The following EPB41L1 variants were observed in gnomAD, a reference collection of about 807,000 sequenced individuals.
The protein encoded by EPB41L1 is erythrocyte membrane protein band 4.1 like 1.
Under a neutral mutation model 97.8 loss-of-function variants are expected in EPB41L1, and 29 were observed. That is an observed-to-expected ratio of 0.30 (90% CI 0.22 to 0.40). EPB41L1 has a LOEUF of 0.40. EPB41L1 is among the 10% of genes least tolerant of loss of function. The pLI, the probability that EPB41L1 is intolerant of heterozygous loss-of-function variation, is 1.00. For synonymous variants in EPB41L1, 383 were observed against 459.2 expected, an observed-to-expected ratio of 0.83 and a Z score of 2.12; for missense variants, 812 against 1,162.3, an observed-to-expected ratio of 0.70 and a Z score of 4.38.
At chr20:36,098,159 C>T (rs904566417) in intron 1 of EPB41L1, among the ~76,000 whole-genome samples, 1 of 152,108 alleles carries the variant, frequency 6.6e-6, no homozygotes, top group Admixed American at 6.5e-5. Flanking sequence ...CCTGGTTTCA[C>T]GACAGCCTGG....
intron 19 of EPB41L1, among the ~76,000 whole-genome samples, chr20:36,220,481 C>A (rs898971939): frequency 6.6e-6 from 1 of 152,054 alleles, no homozygotes; most frequent in Non-Finnish European, 1.5e-5. Context: ...GAGCAAATAA[C>A]AAATACCAGG....
chr20:36,105,852 A>G (rs1363498840), intron 1 of EPB41L1, among the ~76,000 whole-genome samples: 1 of 152,114 alleles, frequency 6.6e-6, no homozygotes, highest in African/African-American at 2.4e-5. Flanking sequence ...GCTGCACCCC[A>G]GGGGAGGGGT....
At chr20:36,131,327 C>G (rs189147700) in intron 2 of EPB41L1, among the ~76,000 whole-genome samples, 1 of 152,212 alleles carries the variant, frequency 6.6e-6, no homozygotes, top group Non-Finnish European at 1.5e-5. Context: ...CCAGGCTAGT[C>G]TCAAATTCCT....
chr20:36,168,678 C>T (rs547057690), intron 1 of EPB41L1, among the ~76,000 whole-genome samples: 7 of 151,918 alleles, frequency 4.6e-5, no homozygotes, highest in South Asian at 2.1e-4. Flanking sequence ...TACAGCCTCC[C>T]GAGTAGCTGG....
At position 36,207,713 on chromosome 20, in the gene EPB41L1, C is replaced by A. The variant is rs141250472; in HGVS notation, c.1669-1775C>A. The A allele has an allele frequency of 4.1e-4, 527 of 1,290,034 alleles. 4 individuals are homozygous for A. The Middle Eastern group carries it at 8.5e-3, about 21-fold the overall frequency. The allele number at this position is 1,290,034 out of a possible 1,614,324, so 79.9% of individuals were successfully genotyped here. Reference sequence around the variant, plus strand: ...TCTGCATCCTACCAGGAAGCACACACGGAACTAGAGCCCGTGTCCCCCAAT... The same window carrying A: ...TCTGCATCCTACCAGGAAGCACACAAGGAACTAGAGCCCGTGTCCCCCAAT... On this transcript the variant is annotated intron_variant, in intron 14 of 21. Transcript: ENST00000338074. This position sits in a 1 kb window ranked among gnomAD's most constrained non-coding sequence, Gnocchi z 4.9.
rs917062459 is a variant in EPB41L1 at position 36,206,801 on chromosome 20, G to A, written c.1669-2687G>A. 10 of 1,289,734 alleles carry A rather than the reference G, an allele frequency of 7.8e-6. No individual in the cohort carries two copies. The highest frequency in any genetic ancestry group is 3.0e-5 in the African/African-American group (2 of 65,866). 79.9% of individuals were successfully genotyped at this position (1,289,734 alleles called of 1,614,324 possible). A position where few individuals can be genotyped will look rare whatever the true frequency, so the allele number is the denominator to read the frequency against. ...CCCCACCTGACAGCCAGCGCAGCCCGAGAGGAAGGGACCCCCGTGAGTGGA... is the reference window on the plus strand; with the variant it reads ...CCCCACCTGACAGCCAGCGCAGCCCAAGAGGAAGGGACCCCCGTGAGTGGA... On this transcript the variant is annotated intron_variant, in intron 14 of 21. Transcript: ENST00000338074. This position sits in a 1 kb window ranked among gnomAD's most constrained non-coding sequence, Gnocchi z 5.5.
At chr20:36,172,397 A>G (rs373083788) in intron 1 of EPB41L1, among the ~76,000 whole-genome samples, 2 of 152,338 alleles carry the variant, frequency 1.3e-5, no homozygotes, top group African/African-American at 4.8e-5. Context: ...CATATTTTAA[A>G]AGATAAAAGT....
At chr20:36,157,087 G>A (rs1439131195) in intron 1 of EPB41L1, among the ~76,000 whole-genome samples, 1 of 152,116 alleles carries the variant, frequency 6.6e-6, no homozygotes, top group East Asian at 1.9e-4. Context: ...AGCTGGGCGT[G>A]GTAGTGCACG....
chr20:36,208,237 C>T, intron 14 of EPB41L1: 1 of 358,236 alleles, frequency 2.8e-6, no homozygotes, highest in South Asian at 2.1e-5. Flanking sequence ...CTTCTGGTTC[C>T]CTCTCAGTCC....
intron 21 of EPB41L1, 39 bp from the exon 22 acceptor site, chr20:36,229,289 CCACT>C: frequency 6.8e-7 from 1 of 1,462,806 alleles, no homozygotes; most frequent in Non-Finnish European, 9.5e-7. Flanking sequence ...TCCTTTCCCC[CCACT>C]CCCCACCCCC....
chr20:36,168,192 G>A (rs1256677619), intron 1 of EPB41L1, among the ~76,000 whole-genome samples: 1 of 152,208 alleles, frequency 6.6e-6, no homozygotes, highest in African/African-American at 2.4e-5. Context: ...AAGAGGGTCA[G>A]ATGCTGACAG....
rs1298703628 is a variant in EPB41L1 at position 36,207,901 on chromosome 20, C to A, written c.1669-1587C>A. On this transcript the variant is annotated intron_variant, in intron 14 of 21. Transcript: ENST00000338074. The surrounding 1 kb of genome is among the most constrained non-coding windows in gnomAD (Gnocchi z 4.9). ...CCCTCGTCATTTCTGCAATCAGAGG[C>A]TGCTTATCCATCCCTGTGAGTTTTT... 7 of 1,088,640 alleles carry A rather than the reference C, an allele frequency of 6.4e-6. No individual in the cohort carries two copies. The highest frequency in any genetic ancestry group is 8.3e-6 in the Non-Finnish European group (7 of 845,582). 67.4% of individuals were successfully genotyped at this position (1,088,640 alleles called of 1,614,324 possible).
Position 36,206,962 on chromosome 20 carries a change from G to T in EPB41L1, c.1669-2526G>T. On this transcript the variant is annotated intron_variant, in intron 14 of 21. Transcript: ENST00000338074. The surrounding 1 kb of genome is among the most constrained non-coding windows in gnomAD (Gnocchi z 5.5). ...CATCCCTCTGAATGTCAGGAAGCCA[G>T]TCAAACCAGACAGAGGCAACTTCCC... The T allele has an allele frequency of 7.8e-7, 1 of 1,290,000 alleles. No homozygotes were observed. Among genetic ancestry groups the T allele is most frequent in the Non-Finnish European group, 1.0e-6 (1 of 988,908 alleles). The allele number at this position is 1,290,000 out of a possible 1,614,324, so 79.9% of individuals were successfully genotyped here.
intron 1 of EPB41L1, chr20:36,110,603 C>T (rs971738999): frequency 6.6e-6 from 1 of 152,240 alleles, no homozygotes; most frequent in Admixed American, 6.8e-5. Flanking sequence ...TCTCACATCC[C>T]ATTGGCCTCA....
rs1275919250 is a variant in EPB41L1 at position 36,219,850 on chromosome 20, T to G, written c.2439+6T>G. ...CCACCACCCATGTCACCAAAGTGAG[T>G]AGCAGCAGGGCGCCCCATGCCCCCA... On this transcript the variant is annotated splice_donor_region_variant and intron_variant, in intron 19 of 21. Transcript: ENST00000338074. 2 of 1,613,848 alleles carry G rather than the reference T, an allele frequency of 1.2e-6. No individual in the cohort carries two copies. Among genetic ancestry groups the G allele is most frequent in the Non-Finnish European group, 1.7e-6 (2 of 1,179,794 alleles).
At chr20:36,095,675 C>G (rs2057804761) in intron 1 of EPB41L1, among the ~76,000 whole-genome samples, 1 of 152,142 alleles carries the variant, frequency 6.6e-6, no homozygotes, top group African/African-American at 2.4e-5. Flanking sequence ...ATCTCCCCAC[C>G]AATATACTCT....
rs182953459 is a variant in EPB41L1 at position 36,221,827 on chromosome 20, G to A, written c.2440-37G>A. The A allele has an allele frequency of 8.4e-5, 134 of 1,598,606 alleles. No homozygotes were observed. In the East Asian group the frequency reaches 2.4e-3, roughly 29 times the overall value. On this transcript the variant is annotated intron_variant, in intron 19 of 21. Coordinates refer to ENST00000338074, the MANE Select transcript of EPB41L1 (RefSeq NM_012156.2). ...CCTCTTGAGGCTGCTGCCCCAACAG[G>A]ACCCAAGAGTGACCTCACCTCCCTC...
intron 19 of EPB41L1, among the ~76,000 whole-genome samples, chr20:36,220,616 G>C (rs77111029): frequency 6.6e-6 from 1 of 152,168 alleles, no homozygotes; most frequent in African/African-American, 2.4e-5. Flanking sequence ...AGGATGTGTA[G>C]ATAGGTGGGA....
intron 11 of EPB41L1, among the ~76,000 whole-genome samples, chr20:36,191,320 A>C (rs929416764): frequency 3.3e-5 from 5 of 152,020 alleles, no homozygotes; most frequent in Admixed American, 6.6e-5. Context: ...TTTTGGTTCT[A>C]CTAGGTTCTG....
Sources: gnomAD v4.1 joint callset for allele counts (sites outside exome capture counted in the v4.1 genomes callset) on GRCh38, gnomAD v4.1.1 for gene constraint, Gnocchi (gnomAD v3.1) non-coding constraint, MANE v1.5 for transcripts, NCBI Gene and HGNC (gene_info 2026-07-23, HGNC 2026-07-21) for gene names.